ANKS1B: variants seen among roughly 807,000 people sequenced by gnomAD.
ANKS1B encodes the protein ankyrin repeat and sterile alpha motif domain containing 1B.
Under a neutral mutation model 148.3 loss-of-function variants are expected in ANKS1B, and 36 were observed. That is an observed-to-expected ratio of 0.24 (90% CI 0.19 to 0.32). The LOEUF (loss-of-function observed/expected upper bound fraction) is 0.32. Ranked by LOEUF, ANKS1B falls within the 10% of genes least tolerant of loss-of-function variation. The pLI, the probability that ANKS1B is intolerant of heterozygous loss-of-function variation, is 1.00. For synonymous variants in ANKS1B, 542 were observed against 560.8 expected, an observed-to-expected ratio of 0.97 and a Z score of 0.47; for missense variants, 1,157 against 1,542.6, an observed-to-expected ratio of 0.75 and a Z score of 4.19.
intron 5 of ANKS1B, among the ~76,000 whole-genome samples, chr12:99,780,441 A>T: frequency 8.5e-6 from 1 of 117,486 alleles, no homozygotes; most frequent in East Asian, 3.1e-4. Flanking sequence ...ATGCCCAACT[A>T]ATTTTTTTTT....
intron 20 of ANKS1B, among the ~76,000 whole-genome samples, chr12:98,806,023 C>T: frequency 6.6e-6 from 1 of 152,198 alleles, no homozygotes; most frequent in East Asian, 1.9e-4. Context: ...AGGCATGTGC[C>T]ACCACATCTG....
intron 4 of ANKS1B, among the ~76,000 whole-genome samples, chr12:99,788,539 G>A (rs2065247957): frequency 6.6e-6 from 1 of 152,204 alleles, no homozygotes; most frequent in South Asian, 2.1e-4. Flanking sequence ...CACAGTCCCA[G>A]CTGTGGTGGC....
At chr12:99,582,898 G>C (rs898934024) in intron 9 of ANKS1B, among the ~76,000 whole-genome samples, 1 of 152,044 alleles carries the variant, frequency 6.6e-6, no homozygotes, top group African/African-American at 2.4e-5. Context: ...TTTTGGAAAA[G>C]TGTTGATGGC....
intron 8 of ANKS1B, among the ~76,000 whole-genome samples, chr12:99,672,140 G>A (rs967628282): frequency 3.3e-5 from 5 of 151,936 alleles, no homozygotes; most frequent in South Asian, 2.1e-4. Context: ...TGCCAGAATT[G>A]GAATACCTGA....
intron 14 of ANKS1B, among the ~76,000 whole-genome samples, chr12:99,160,387 G>A (rs1218777968): frequency 6.6e-6 from 1 of 151,120 alleles, no homozygotes; most frequent in Non-Finnish European, 1.5e-5. Flanking sequence ...CACCCACGCT[G>A]GAGTGCAGTG....
intron 8 of ANKS1B, among the ~76,000 whole-genome samples, chr12:99,764,874 G>A (rs746763915): frequency 6.6e-6 from 1 of 152,174 alleles, no homozygotes; most frequent in Admixed American, 6.5e-5. Flanking sequence ...GGCTAGTTTT[G>A]AGTAGGAAAA....
chr12:99,628,958 T>C (rs1280680162), intron 9 of ANKS1B, among the ~76,000 whole-genome samples: 2 of 152,228 alleles, frequency 1.3e-5, no homozygotes, highest in African/African-American at 4.8e-5. Context: ...TTATTATCAG[T>C]ATTAGGATTC....
chr12:99,848,920 T>C (rs2087196402), intron 1 of ANKS1B, among the ~76,000 whole-genome samples: 2 of 152,088 alleles, frequency 1.3e-5, no homozygotes, highest in Admixed American at 6.6e-5. Flanking sequence ...GAAGCCACTA[T>C]CATAAGCAAA....
intron 17 of ANKS1B, among the ~76,000 whole-genome samples, chr12:98,957,352 T>G (rs1481163459): frequency 8.9e-6 from 1 of 111,810 alleles, no homozygotes; most frequent in Admixed American, 8.7e-5. Context: ...TTTATTTATT[T>G]ATTTATTTAT....
intron 12 of ANKS1B, among the ~76,000 whole-genome samples, chr12:99,289,497 C>T (rs2079607419): frequency 6.6e-6 from 1 of 152,014 alleles, no homozygotes; most frequent in South Asian, 2.1e-4. Flanking sequence ...GGATCATTCT[C>T]AAGTATAGAT....
intron 10 of ANKS1B, among the ~76,000 whole-genome samples, chr12:99,445,924 T>C (rs2095630372): frequency 6.6e-6 from 1 of 151,944 alleles, no homozygotes; most frequent in Non-Finnish European, 1.5e-5. Flanking sequence ...GGTTTCGCCA[T>C]ATTGCTCAGG....
At chr12:99,200,684 T>G (rs948335812) in intron 14 of ANKS1B, among the ~76,000 whole-genome samples, 1 of 152,154 alleles carries the variant, frequency 6.6e-6, no homozygotes, top group Admixed American at 6.6e-5. Context: ...TGTTATCTCC[T>G]TAGCTTGTCT....
At chr12:99,464,218 T>C (rs1433710249) in intron 10 of ANKS1B, among the ~76,000 whole-genome samples, 1 of 152,154 alleles carries the variant, frequency 6.6e-6, no homozygotes, top group Non-Finnish European at 1.5e-5. Flanking sequence ...CCAACAGACC[T>C]GCAGCTGAGG....
chr12:98,850,805 T>C (rs2099520537), intron 17 of ANKS1B, among the ~76,000 whole-genome samples: 11 of 151,356 alleles, frequency 7.3e-5, no homozygotes. Flanking sequence ...AAAAAAAAGA[T>C]TCTCTCCAAC....
chr12:99,534,757 T>A (rs1221558442), intron 9 of ANKS1B, among the ~76,000 whole-genome samples: 2 of 148,334 alleles, frequency 1.3e-5, no homozygotes, highest in African/African-American at 2.5e-5. Context: ...TCACCCAGGC[T>A]GGGGTGCAGT....
chr12:99,146,322 A>G (rs566128787), intron 15 of ANKS1B, among the ~76,000 whole-genome samples: 1 of 152,260 alleles, frequency 6.6e-6, no homozygotes, highest in South Asian at 2.1e-4. Flanking sequence ...AGGGCTAAGA[A>G]CAGAGCACCG....
intron 19 of ANKS1B, among the ~76,000 whole-genome samples, chr12:98,817,444 C>T (rs1009295662): frequency 6.6e-6 from 1 of 152,220 alleles, no homozygotes. Context: ...TTAACTGAAC[C>T]CTGCCTGGAA....
intron 10 of ANKS1B, among the ~76,000 whole-genome samples, chr12:99,457,140 T>G (rs1299119429): frequency 6.6e-6 from 1 of 152,132 alleles, no homozygotes; most frequent in Non-Finnish European, 1.5e-5. Flanking sequence ...CAGCCAAGAA[T>G]TTTGTGTCCA....
intron 17 of ANKS1B, among the ~76,000 whole-genome samples, chr12:98,978,707 T>C (rs2099902646): frequency 6.6e-6 from 1 of 152,190 alleles, no homozygotes; most frequent in Non-Finnish European, 1.5e-5. Flanking sequence ...CTTACAATAG[T>C]TATACTTCTA....
Sources: allele counts gnomAD v4.1 joint callset (sites outside exome capture counted in the v4.1 genomes callset), GRCh38; gene constraint gnomAD v4.1.1; transcripts MANE v1.5; gene names NCBI Gene and HGNC (gene_info 2026-07-23, HGNC 2026-07-21).